The following ATE1 variants were observed in gnomAD, a reference collection of about 807,000 sequenced individuals.
ATE1 encodes the protein arginyltransferase 1, also known as arginyl-tRNA--protein transferase 1.
ATE1 carries 36 observed loss-of-function variants against 70.5 expected under a neutral mutation model. The ratio of observed to expected loss-of-function variants is 0.51; its 90% confidence interval spans 0.39 to 0.67. The LOEUF is 0.67. Among genes scored for constraint, ATE1 ranks in the 30% least tolerant of loss-of-function variants. The pLI is 0.00. For missense variants in ATE1, 593 were observed against 629.5 expected, an observed-to-expected ratio of 0.94 and a Z score of 0.62; for synonymous variants, 232 against 219.3, an observed-to-expected ratio of 1.06 and a Z score of -0.51.
chr10:121,845,239 A>AG, intron 8 of ATE1, among the ~76,000 whole-genome samples: 1 of 152,324 alleles, frequency 6.6e-6, no homozygotes, highest in South Asian at 2.1e-4. Flanking sequence ...CAGTAAAAAG[A>AG]TTAGTGTTGG....
intron 9 of ATE1, among the ~76,000 whole-genome samples, chr10:121,839,079 G>A (rs578155188): frequency 5.3e-5 from 8 of 152,120 alleles, no homozygotes; most frequent in South Asian, 2.1e-4. Flanking sequence ...TATAAACTCC[G>A]CAACTCATCT....
chr10:121,812,205 T>A (rs2133483248), intron 10 of ATE1, among the ~76,000 whole-genome samples: 1 of 152,058 alleles, frequency 6.6e-6, no homozygotes, highest in Non-Finnish European at 1.5e-5. Flanking sequence ...ATCCACCTGC[T>A]TTGGCCTCCC....
At chr10:121,749,633 A>G (rs1944502540) in intron 11 of ATE1, among the ~76,000 whole-genome samples, 1 of 152,240 alleles carries the variant, frequency 6.6e-6, no homozygotes, top group Non-Finnish European at 1.5e-5. Context: ...TTAATTTTTA[A>G]TTTTACATCA....
At chr10:121,774,489 A>C (rs1170955578) in intron 11 of ATE1, among the ~76,000 whole-genome samples, 1 of 152,210 alleles carries the variant, frequency 6.6e-6, no homozygotes, top group Non-Finnish European at 1.5e-5. Context: ...TGAAGATCAA[A>C]GCTCTCATAC....
At chr10:121,844,883 A>G (rs1200419620) in intron 8 of ATE1, among the ~76,000 whole-genome samples, 1 of 151,428 alleles carries the variant, frequency 6.6e-6, no homozygotes, top group Non-Finnish European at 1.5e-5. Flanking sequence ...ACTTTGTTTT[A>G]TTTTGCTTCA....
At chr10:121,882,343 G>A (rs958158314) in intron 7 of ATE1, among the ~76,000 whole-genome samples, 17 of 152,216 alleles carry the variant, frequency 1.1e-4, no homozygotes, top group Non-Finnish European at 1.6e-4. Flanking sequence ...TGGGTAACCA[G>A]AAGGATCACT....
intron 11 of ATE1, among the ~76,000 whole-genome samples, chr10:121,785,071 TG>T (rs1207699449): frequency 6.6e-6 from 1 of 152,202 alleles, no homozygotes; most frequent in Non-Finnish European, 1.5e-5. Flanking sequence ...TACTTCCAGC[TG>T]GCTACATCCA....
chr10:121,757,253 C>T (rs1944846032), intron 11 of ATE1, among the ~76,000 whole-genome samples: 1 of 152,224 alleles, frequency 6.6e-6, no homozygotes, highest in Non-Finnish European at 1.5e-5. Flanking sequence ...CCACCTCAGC[C>T]TGGTCCTTAT....
intron 7 of ATE1, among the ~76,000 whole-genome samples, chr10:121,889,915 G>A (rs1392222813): frequency 6.6e-6 from 1 of 152,096 alleles, no homozygotes; most frequent in Non-Finnish European, 1.5e-5. Flanking sequence ...TAAATATTGT[G>A]GTTATATAAG....
intron 2 of ATE1, among the ~76,000 whole-genome samples, chr10:121,923,610 G>A (rs180813893): frequency 3.3e-5 from 5 of 152,238 alleles, no homozygotes; most frequent in Non-Finnish European, 7.4e-5. Context: ...CCAATCCCAC[G>A]TCTTTGGCAA....
At chr10:121,805,450 C>CA (rs1259487413) in intron 10 of ATE1, among the ~76,000 whole-genome samples, 1 of 152,082 alleles carries the variant, frequency 6.6e-6, no homozygotes, top group Non-Finnish European at 1.5e-5. Context: ...ACAATTATCC[C>CA]ATAAGGAGTG....
At chr10:121,809,206 G>A (rs1947217147) in intron 10 of ATE1, among the ~76,000 whole-genome samples, 1 of 152,024 alleles carries the variant, frequency 6.6e-6, no homozygotes, top group Non-Finnish European at 1.5e-5. Flanking sequence ...AACAAACAGT[G>A]TCAGCTGTTT....
chr10:121,916,832 C>T (rs866324116), intron 3 of ATE1, among the ~76,000 whole-genome samples: 146 of 146,944 alleles, frequency 9.9e-4, no homozygotes, highest in African/African-American at 3.4e-3. Context: ...GAGACTCCGT[C>T]TCAAACAAAA....
At position 121,743,552 on chromosome 10, in the gene ATE1, CATAG is replaced by C. The variant is rs1944215361; in HGVS notation, c.*124_*127del. On this transcript the variant is annotated 3_prime_UTR_variant, in exon 12 of 12. Coordinates refer to ENST00000224652, the MANE Select transcript of ATE1 (RefSeq NM_001001976.3). ...TTGCCACAAAATATTTTTTAAAAGC[CATAG>C]ATAGTCAAAATAAAAAATGTCTAAT... 2 of 1,378,072 alleles carry C rather than the reference CATAG, an allele frequency of 1.5e-6. No homozygotes were observed. The highest frequency in any genetic ancestry group is 1.5e-5 in the African/African-American group (1 of 68,392). 85.4% of individuals were successfully genotyped at this position (1,378,072 alleles called of 1,614,324 possible). A position where few individuals can be genotyped will look rare whatever the true frequency, so the allele number is the denominator to read the frequency against.
At chr10:121,867,995 TACTC>T (rs1157579667) in intron 8 of ATE1, among the ~76,000 whole-genome samples, 76 of 152,206 alleles carry the variant, frequency 5.0e-4, no homozygotes, top group Non-Finnish European at 1.5e-5. Flanking sequence ...GAACTACAAT[TACTC>T]AACCACAGGT....
intron 5 of ATE1, among the ~76,000 whole-genome samples, chr10:121,908,859 A>G (rs75254933): frequency 0.011 from 1,645 of 152,366 alleles, 41 homozygotes; most frequent in African/African-American, 0.038. Context: ...CCAACTATCA[A>G]TTTATAAGCG....
At chr10:121,784,833 T>C (rs527833411) in intron 11 of ATE1, among the ~76,000 whole-genome samples, 2 of 152,202 alleles carry the variant, frequency 1.3e-5, no homozygotes, top group South Asian at 4.1e-4. Context: ...CACTCCACCC[T>C]GGGTGACAGA....
intron 10 of ATE1, among the ~76,000 whole-genome samples, chr10:121,814,287 T>C (rs1947447724): frequency 6.6e-6 from 1 of 152,012 alleles, no homozygotes; most frequent in African/African-American, 2.4e-5. Flanking sequence ...CAGGAAGGGA[T>C]CAGGAAGAAA....
chr10:121,789,561 A>G (rs1946351009), intron 11 of ATE1, among the ~76,000 whole-genome samples: 1 of 151,974 alleles, frequency 6.6e-6, no homozygotes. Context: ...AGCCTCCCAA[A>G]GTGCTGGGAT....
Sources: gnomAD v4.1 joint callset for allele counts (sites outside exome capture counted in the v4.1 genomes callset) on GRCh38, gnomAD v4.1.1 for gene constraint, MANE v1.5 for transcripts, NCBI Gene and HGNC (gene_info 2026-07-23, HGNC 2026-07-21) for gene names.